The following SLIT3 variants were observed in gnomAD, a reference collection of about 807,000 sequenced individuals.
SLIT3 encodes slit homolog 3 protein.
Under a neutral mutation model 184.0 loss-of-function variants are expected in SLIT3, and 68 were observed. The ratio of observed to expected loss-of-function variants is 0.37; its 90% confidence interval spans 0.30 to 0.45. The LOEUF (loss-of-function observed/expected upper bound fraction) is 0.45, where lower values mean the gene tolerates loss of function less well. Among genes scored for constraint, SLIT3 ranks in the 20% least tolerant of loss-of-function variants. SLIT3 has a pLI of 1.00. For missense variants in SLIT3, 1,707 were observed against 2,026.0 expected (o/e 0.84, Z 3.02); for synonymous variants, 831 against 828.6 (o/e 1.00, Z -0.05).
chr5:169,244,620 C>G, intron 3 of SLIT3, 85 bp downstream of exon 3: 1 of 1,231,438 alleles, frequency 8.1e-7, no homozygotes, highest in Non-Finnish European at 1.2e-6. Context: ...GGTTATAAGG[C>G]CAATTTACAA....
chr5:169,239,070 A>G (rs1382574942), intron 3 of SLIT3, among the ~76,000 whole-genome samples: 2 of 152,114 alleles, frequency 1.3e-5, no homozygotes, highest in Non-Finnish European at 2.9e-5. Flanking sequence ...TACTGCTCCA[A>G]ATAATTTTAT....
chr5:169,037,852 C>G (rs1248768365), intron 4 of SLIT3: 1 of 152,258 alleles, frequency 6.6e-6, no homozygotes. Context: ...TTACCGCAGC[C>G]ACTGATGTGG....
chr5:169,007,628 G>A (rs1331940906), intron 4 of SLIT3, among the ~76,000 whole-genome samples: 1 of 152,190 alleles, frequency 6.6e-6, no homozygotes, highest in Non-Finnish European at 1.5e-5. Flanking sequence ...CAGCCTGTCT[G>A]CTTCACTGAA....
intron 14 of SLIT3, among the ~76,000 whole-genome samples, chr5:168,763,634 C>T (rs1367491666): frequency 6.6e-6 from 1 of 152,158 alleles, no homozygotes; most frequent in African/African-American, 2.4e-5. Context: ...AGAAATGCCT[C>T]GGCGAGTTGC....
intron 20 of SLIT3, 70 bp downstream of exon 20, chr5:168,748,232 G>A: frequency 7.1e-7 from 1 of 1,404,776 alleles, no homozygotes; most frequent in East Asian, 2.8e-5. Context: ...TTGAGATTCT[G>A]GGGTAAAGTA....
At chr5:169,010,838 G>A (rs1406876544) in intron 4 of SLIT3, among the ~76,000 whole-genome samples, 1 of 151,798 alleles carries the variant, frequency 6.6e-6, no homozygotes, top group Non-Finnish European at 1.5e-5. Context: ...AGGAGGCGGA[G>A]GCAGAGGGTG....
chr5:168,758,402 C>A (rs1450759743), intron 16 of SLIT3, among the ~76,000 whole-genome samples: 1 of 152,226 alleles, frequency 6.6e-6, no homozygotes, highest in Non-Finnish European at 1.5e-5. Context: ...GCTTGGCCAG[C>A]TTGATTCATC....
intron 4 of SLIT3, among the ~76,000 whole-genome samples, chr5:169,186,606 C>T (rs1328586851): frequency 6.6e-6 from 1 of 152,110 alleles, no homozygotes; most frequent in African/African-American, 2.4e-5. Context: ...TGTCTGGTTC[C>T]CAAGTTTCTG....
chr5:169,035,301 T>C (rs1461408923), intron 4 of SLIT3, among the ~76,000 whole-genome samples: 1 of 152,112 alleles, frequency 6.6e-6, no homozygotes, highest in Non-Finnish European at 1.5e-5. Flanking sequence ...CTACTACTGA[T>C]GGCAACATTG....
intron 1 of SLIT3, among the ~76,000 whole-genome samples, chr5:169,294,386 C>G (rs1767440833): frequency 6.6e-6 from 1 of 152,002 alleles, no homozygotes; most frequent in African/African-American, 2.4e-5. Flanking sequence ...AGATATAAAC[C>G]ACTTTCACCA....
At position 169,077,336 on chromosome 5, in the gene SLIT3, G is replaced by A. The variant is rs868703336; in HGVS notation, c.413+116143C>T. On this transcript the variant is annotated intron_variant, in intron 4 of 35. Coordinates refer to ENST00000519560, the MANE Select transcript of SLIT3 (RefSeq NM_003062.4). ...GCGGATCACAAGGTCAGGAGTTCAA[G>A]ACCAGCCTGGCCAAGATGGTGAAAA... Among the ~76,000 whole-genome samples, 23 of 152,178 alleles carry A rather than the reference G, an allele frequency of 1.5e-4. No individual in the cohort carries two copies. In the South Asian group the frequency reaches 3.5e-3, roughly 23 times the overall value.
In SLIT3 at chr5:168,762,138, G is replaced by A. The variant is rs113462056; in HGVS notation, c.1610+401C>T. ...CATCCCTTTATTAACATGGCTAATT[G>A]GAGGCTCAGATATATTTAATCATTC... On this transcript the variant is annotated intron_variant, in intron 15 of 35. Transcript: ENST00000519560. Among the ~76,000 whole-genome samples, 268 of 151,462 alleles carry A rather than the reference G, an allele frequency of 1.8e-3. 2 individuals are homozygous for A. The highest frequency in any genetic ancestry group is 5.8e-3 in the African/African-American group (241 of 41,282).
chr5:169,109,836 C>T (rs1229204650), intron 4 of SLIT3, among the ~76,000 whole-genome samples: 1 of 152,184 alleles, frequency 6.6e-6, no homozygotes, highest in Non-Finnish European at 1.5e-5. Context: ...CTTCAAGGGG[C>T]CCTGGCTGCC....
At chr5:169,085,013 A>C (rs917280347) in intron 4 of SLIT3, among the ~76,000 whole-genome samples, 1 of 152,180 alleles carries the variant, frequency 6.6e-6, no homozygotes, top group African/African-American at 2.4e-5. Context: ...CTACAGCTAT[A>C]AACGTTTTAC....
intron 4 of SLIT3, among the ~76,000 whole-genome samples, chr5:169,023,188 G>A (rs1756668135): frequency 6.6e-6 from 1 of 152,084 alleles, no homozygotes; most frequent in Non-Finnish European, 1.5e-5. Context: ...ATATAACTAG[G>A]TACAATGCCA....
chr5:168,745,791 G>A (rs1291014688), intron 20 of SLIT3, among the ~76,000 whole-genome samples: 1 of 119,468 alleles, frequency 8.4e-6, no homozygotes, highest in East Asian at 2.9e-4. Context: ...AATCTTTCAT[G>A]AAGAAGACTC....
chr5:168,726,368 C>CAGGGAGAGGGGGAGGCAGGG (rs1763109941), intron 20 of SLIT3, among the ~76,000 whole-genome samples: 1 of 40,262 alleles, frequency 2.5e-5, no homozygotes, highest in Non-Finnish European at 5.4e-5. Flanking sequence ...GAGAGGGAGG[C>CAGGGAGAGGGGGAGGCAGGG]AGGGAGGGAG....
chr5:168,847,960 G>A (rs79644810), intron 5 of SLIT3, among the ~76,000 whole-genome samples: 20,585 of 152,150 alleles, frequency 0.14, 1,705 homozygotes, highest in East Asian at 0.25. Context: ...GCTATCACTC[G>A]GGAGGCATCT....
chr5:168,710,829 C>G, intron 25 of SLIT3, 66 bp downstream of exon 25: 1 of 1,331,402 alleles, frequency 7.5e-7, no homozygotes. Context: ...CCTGCTCTGA[C>G]AGGTTGCTGG....
Sources: allele counts gnomAD v4.1 joint callset (sites outside exome capture counted in the v4.1 genomes callset), GRCh38; gene constraint gnomAD v4.1.1; transcripts MANE v1.5; gene names NCBI Gene and HGNC (gene_info 2026-07-23, HGNC 2026-07-21).